SPAST: variants seen among roughly 807,000 people sequenced by gnomAD.
SPAST encodes the protein spastin.
In SPAST, 30 loss-of-function variants were observed where a neutral mutation model predicts 76.6. The observed-to-expected ratio is 0.39, with a 90% confidence interval of 0.29 to 0.53. SPAST has a LOEUF of 0.53. Ranked by LOEUF, SPAST falls within the 20% of genes least tolerant of loss-of-function variation. The pLI is 0.68. For missense variants in SPAST, 717 were observed against 770.5 expected (o/e 0.93, Z 0.82); for synonymous variants, 305 against 281.0 (o/e 1.09, Z -0.86).
chr2:32,071,002 C>T (rs896743893), intron 1 of SPAST, among the ~76,000 whole-genome samples: 2 of 152,154 alleles, frequency 1.3e-5, no homozygotes, highest in Non-Finnish European at 2.9e-5. Flanking sequence ...TTACTTTATA[C>T]TGCAGGTTTT....
intron 14 of SPAST, 59 bp from the exon 15 acceptor site, chr2:32,144,878 C>G: frequency 8.4e-7 from 1 of 1,195,460 alleles, no homozygotes; most frequent in Admixed American, 1.8e-5. Context: ...GAGCAAAACT[C>G]CATCTCAAAA....
chr2:32,122,868 G>C (rs1474839190), intron 7 of SPAST, among the ~76,000 whole-genome samples: 1 of 152,024 alleles, frequency 6.6e-6, no homozygotes, highest in East Asian at 1.9e-4. Flanking sequence ...AGAGCTCCTA[G>C]AACTAATAAG....
At chr2:32,075,466 GTTAA>G (rs1458248206) in intron 1 of SPAST, among the ~76,000 whole-genome samples, 1 of 112,706 alleles carries the variant, frequency 8.9e-6, no homozygotes, top group Non-Finnish European at 1.8e-5. Flanking sequence ...AAATATTTGT[GTTAA>G]TTGTGATGAC....
At chr2:32,113,061 A>G (rs1337349778) in intron 4 of SPAST, among the ~76,000 whole-genome samples, 2 of 152,200 alleles carry the variant, frequency 1.3e-5, no homozygotes, top group Admixed American at 1.3e-4. Context: ...TTGCATATAT[A>G]CAGCCCATAT....
intron 1 of SPAST, among the ~76,000 whole-genome samples, chr2:32,072,734 G>A (rs143972421): frequency 3.3e-5 from 5 of 152,088 alleles, no homozygotes; most frequent in African/African-American, 1.2e-4. Context: ...GTCCATATCT[G>A]TTTTCAGAAG....
intron 5 of SPAST, among the ~76,000 whole-genome samples, 159 bp from the exon 6 acceptor site, chr2:32,115,543 A>T (rs1012438737): frequency 2.6e-4 from 39 of 150,380 alleles, no homozygotes; most frequent in Admixed American, 2.6e-4. Context: ...TCTAGTGAAT[A>T]CAGTTTTACC....
intron 1 of SPAST, among the ~76,000 whole-genome samples, chr2:32,067,785 A>G (rs1440683827): frequency 7.1e-6 from 1 of 140,504 alleles, no homozygotes; most frequent in Non-Finnish European, 1.5e-5. Flanking sequence ...TAGAGATAGG[A>G]TCTTGTTATG....
Position 32,063,948 on chromosome 2 carries a change from C to A in SPAST, c.117C>A (p.Ala39=), listed in dbSNP as rs760308500. The change falls in exon 1 of 17, where the codon GCC becomes GCA. Residue 39 remains alanine (A), a synonymous_variant. Coordinates refer to ENST00000315285, the MANE Select transcript of SPAST (RefSeq NM_014946.4). ...CCGCCCCTCCCGCCGCCGGGCCGGC[C>A]CCTCCGCCCGAGTCGCCGCATAAGC... The part of the protein sequence containing the change: ...LAPAPPAAGP[A]PPPESPHKRN... The A allele has an allele frequency of 6.2e-7, 1 of 1,609,434 alleles. No homozygotes were observed. Among genetic ancestry groups the A allele is most frequent in the Admixed American group, 1.7e-5 (1 of 59,620 alleles).
chr2:32,079,606 G>T (rs1362913403), intron 1 of SPAST, among the ~76,000 whole-genome samples: 1 of 127,358 alleles, frequency 7.9e-6, no homozygotes, highest in Non-Finnish European at 1.7e-5. Context: ...TGTCACCCAG[G>T]CTAGAGTGCA....
At chr2:32,111,648 T>C (rs891467036) in intron 4 of SPAST, among the ~76,000 whole-genome samples, 3 of 151,058 alleles carry the variant, frequency 2.0e-5, no homozygotes, top group Non-Finnish European at 4.4e-5. Flanking sequence ...TAACTTTATA[T>C]TATAGGTATA....
intron 7 of SPAST, among the ~76,000 whole-genome samples, chr2:32,116,741 A>G (rs1236733033): frequency 1.3e-5 from 2 of 152,202 alleles, no homozygotes; most frequent in East Asian, 1.9e-4. Context: ...TGTTAGGATT[A>G]CAAGTGTGAG....
intron 4 of SPAST, among the ~76,000 whole-genome samples, chr2:32,110,375 C>T (rs1474653050): frequency 2.0e-5 from 3 of 149,084 alleles, no homozygotes; most frequent in Non-Finnish European, 4.4e-5. Context: ...GCCTCGGCCT[C>T]CCAAAGTGCT....
chr2:32,081,781 CAAAAAAAA>C (rs34078147), intron 1 of SPAST, among the ~76,000 whole-genome samples: 5 of 44,388 alleles, frequency 1.1e-4, no homozygotes, highest in African/African-American at 1.7e-4. Context: ...GAGACACTGT[CAAAAAAAA>C]AAAAAAAAAA....
At chr2:32,091,420 A>T (rs980673510) in intron 3 of SPAST, among the ~76,000 whole-genome samples, 5 of 151,258 alleles carry the variant, frequency 3.3e-5, no homozygotes, top group African/African-American at 9.7e-5. Context: ...AGCTAGGATT[A>T]CAGGGGCCTA....
intron 15 of SPAST, 103 bp downstream of exon 15, chr2:32,145,110 G>C: frequency 4.9e-6 from 4 of 814,702 alleles, no homozygotes; most frequent in Non-Finnish European, 8.1e-6. Flanking sequence ...TTTTCTTTTG[G>C]AGACAGGGTC....
intron 7 of SPAST, among the ~76,000 whole-genome samples, chr2:32,116,930 G>A (rs1201776373): frequency 6.6e-6 from 1 of 152,140 alleles, no homozygotes; most frequent in African/African-American, 2.4e-5. Context: ...TGGCACCACT[G>A]CACTCCATCC....
intron 8 of SPAST, 140 bp downstream of exon 8, chr2:32,127,162 G>A: frequency 1.4e-6 from 1 of 701,996 alleles, no homozygotes; most frequent in South Asian, 1.6e-5. Flanking sequence ...TTGTTTGTTT[G>A]TTTTGTTTTG....
rs71407417 is a variant in SPAST at position 32,147,345 on chromosome 2, G to GTTTTTTT, written c.1728+106_1728+112dup. The GTTTTTTT allele has an allele frequency of 7.4e-4, 120 of 162,868 alleles. 1 individual carries two copies. The highest frequency in any genetic ancestry group is 1.7e-3 in the South Asian group (28 of 16,346). The allele number at this position is 162,868 out of a possible 1,614,324, so 10.1% of individuals were successfully genotyped here. Reference sequence around the variant, plus strand: ...ACATATATGAATGTGTGTGTGTGTGGTTTTTTTTTTTTTTTTTTTTTTTTT... The same window carrying GTTTTTTT: ...ACATATATGAATGTGTGTGTGTGTGGTTTTTTTTTTTTTTTTTTTTTTTTTTTTTTTT... On this transcript the variant is annotated intron_variant, in intron 16 of 16. Transcript: ENST00000315285.
intron 1 of SPAST, among the ~76,000 whole-genome samples, chr2:32,069,343 T>C (rs1264658100): frequency 6.6e-6 from 1 of 152,136 alleles, no homozygotes; most frequent in Non-Finnish European, 1.5e-5. Flanking sequence ...AGTGCACTTT[T>C]GAAGTCTGCC....
Sources: gnomAD v4.1 joint callset for allele counts (sites outside exome capture counted in the v4.1 genomes callset) on GRCh38, gnomAD v4.1.1 for gene constraint, MANE v1.5 for transcripts, NCBI Gene and HGNC (gene_info 2026-07-23, HGNC 2026-07-21) for gene names.